The following PAPOLG variants were observed in gnomAD, a reference collection of about 807,000 sequenced individuals.
The protein encoded by PAPOLG is PAP-gamma.
A neutral mutation model predicts 99.0 loss-of-function variants in PAPOLG; 40 were observed. The observed-to-expected ratio is 0.40, with a 90% confidence interval of 0.31 to 0.53. The LOEUF (loss-of-function observed/expected upper bound fraction) is 0.53. Ranked by LOEUF, PAPOLG falls within the 20% of genes least tolerant of loss-of-function variation. PAPOLG has a pLI of 0.41. For missense variants in PAPOLG, 675 were observed against 884.1 expected, an observed-to-expected ratio of 0.76 and a Z score of 3.00; for synonymous variants, 310 against 299.3, an observed-to-expected ratio of 1.04 and a Z score of -0.37.
chr2:60,761,615 C>A, intron 2 of PAPOLG, 126 bp from the exon 3 acceptor site: 1 of 731,874 alleles, frequency 1.4e-6, no homozygotes, highest in South Asian at 1.7e-5. Context: ...GATGTGATAG[C>A]ATTATCACAT....
chr2:60,790,210 A>G (rs1299173332), intron 15 of PAPOLG, among the ~76,000 whole-genome samples: 2 of 152,258 alleles, frequency 1.3e-5, no homozygotes, highest in Non-Finnish European at 2.9e-5. Context: ...TAACTCTTTC[A>G]TAATCAATCT....
chr2:60,796,249 G>C (rs1054316329), intron 21 of PAPOLG, among the ~76,000 whole-genome samples: 1 of 119,036 alleles, frequency 8.4e-6, no homozygotes, highest in Non-Finnish European at 1.6e-5. Flanking sequence ...ATGGAGGCTC[G>C]CTCTGTAGCC....
chr2:60,762,766 A>G (rs1670557482), intron 3 of PAPOLG, among the ~76,000 whole-genome samples: 1 of 151,938 alleles, frequency 6.6e-6, no homozygotes, highest in Non-Finnish European at 1.5e-5. Context: ...AGCTGGGACT[A>G]CAGACGTGTA....
chr2:60,764,856 A>G (rs1424571128), intron 3 of PAPOLG, among the ~76,000 whole-genome samples: 1 of 152,210 alleles, frequency 6.6e-6, no homozygotes, highest in Non-Finnish European at 1.5e-5. Flanking sequence ...TGAGTTTAAC[A>G]TGGTATTTAT....
In PAPOLG at chr2:60,798,396, C is replaced by A. The variant is rs148084110; in HGVS notation, c.*1236C>A. The A allele has an allele frequency of 6.6e-6, 1 of 152,604 alleles. No individual in the cohort carries two copies. Among genetic ancestry groups the A allele is most frequent in the Non-Finnish European group, 1.5e-5 (1 of 68,004 alleles). 9.5% of individuals were successfully genotyped at this position (152,604 alleles called of 1,614,324 possible). A position where few individuals can be genotyped will look rare whatever the true frequency, so the allele number is the denominator to read the frequency against. On this transcript the variant is annotated 3_prime_UTR_variant, in exon 22 of 22. Coordinates refer to ENST00000238714, the MANE Select transcript of PAPOLG (RefSeq NM_022894.4). ...TGATTCAGTGTTTTGTAAATGAAGT[C>A]GTATGTATTTTCAGAGTATTTTTGT...
At position 60,797,532 on chromosome 2, in the gene PAPOLG, C is replaced by CTT. The variant is rs371143916; in HGVS notation, c.*378_*379dup. 6.0e-6 allele frequency: 1 copy of CTT among 167,456 alleles called. No homozygotes were observed. Among genetic ancestry groups the CTT allele is most frequent in the Admixed American group, 6.3e-5 (1 of 15,952 alleles). The allele number at this position is 167,456 out of a possible 1,614,324, so 10.4% of individuals were successfully genotyped here. A position where few individuals can be genotyped will look rare whatever the true frequency, so the allele number is the denominator to read the frequency against. ...TTTTTGTTTTGTTTTTTGTGTTTTT[C>CTT]TTTTTTTGTCTTATGTTGTAATCAT... On this transcript the variant is annotated 3_prime_UTR_variant, in exon 22 of 22. Coordinates refer to ENST00000238714, the MANE Select transcript of PAPOLG (RefSeq NM_022894.4).
chr2:60,792,235 C>T lies in PAPOLG; in HGVS notation c.1625C>T (p.Pro542Leu). 1.2e-6 allele frequency: 2 copies of T among 1,610,088 alleles called. No individual in the cohort carries two copies. The highest frequency in any genetic ancestry group is 1.7e-6 in the Non-Finnish European group (2 of 1,179,266). ...TCCAGAGACACTGATAATGGAACACCTTTTAATTCTCCAGCGTCCAAGTCT... is the reference window on the plus strand; with the variant it reads ...TCCAGAGACACTGATAATGGAACACTTTTTAATTCTCCAGCGTCCAAGTCT... ...DSSRDTDNGT[P>L]FNSPASKSDS... Residue 542 changes from proline (P) to leucine (L), a missense_variant, in exon 17 of 22, where the codon CCT becomes CTT. Physicochemically the swap from Pro to Leu is moderately conservative, Grantham distance 98. This residue lies in a region of PAPOLG where 413 missense variants were observed against 460.5 expected (regional missense o/e 0.90). Coordinates refer to ENST00000238714, the MANE Select transcript of PAPOLG (RefSeq NM_022894.4).
intron 7 of PAPOLG, 130 bp from the exon 8 acceptor site, chr2:60,774,904 A>C: frequency 6.9e-7 from 1 of 1,447,744 alleles, no homozygotes; most frequent in Admixed American, 2.6e-5. Flanking sequence ...AATTTCATAC[A>C]CATAAAATAA....
intron 3 of PAPOLG, among the ~76,000 whole-genome samples, chr2:60,763,373 C>T (rs565395128): frequency 7.9e-5 from 12 of 151,984 alleles, no homozygotes; most frequent in African/African-American, 2.4e-4. Flanking sequence ...TGAGCCACTG[C>T]GCCTTGCCTA....
intron 2 of PAPOLG, 127 bp from the exon 3 acceptor site, chr2:60,761,614 G>A (rs370783222): frequency 1.4e-6 from 1 of 726,030 alleles, no homozygotes. Context: ...AGATGTGATA[G>A]CATTATCACA....
intron 7 of PAPOLG, among the ~76,000 whole-genome samples, chr2:60,773,454 C>T (rs1242146066): frequency 6.6e-6 from 1 of 152,058 alleles, no homozygotes; most frequent in African/African-American, 2.4e-5. Flanking sequence ...TGAGGTTTAT[C>T]TGTATTTGTT....
chr2:60,779,630 T>G lies in PAPOLG; in HGVS notation c.695-7T>G. The G allele has an allele frequency of 6.2e-7, 1 of 1,600,008 alleles. No individual in the cohort carries two copies. Among genetic ancestry groups the G allele is most frequent in the South Asian group, 1.1e-5 (1 of 88,582 alleles). ...AATAATAATTAACAAATATATTGAT[T>G]TTCTAGGACGTGGTATTTATTCCAA... is the stretch of plus-strand genomic sequence containing the variant. On this transcript the variant is annotated splice_polypyrimidine_tract_variant and splice_region_variant and intron_variant, in intron 8 of 21. Coordinates refer to ENST00000238714, the MANE Select transcript of PAPOLG (RefSeq NM_022894.4).
In PAPOLG at chr2:60,786,864, T is replaced by C. The variant is rs1671378626; in HGVS notation, c.1167-83T>C. ...TTAATGAACATGTAAAGCTTCGTAG[T>C]TAATATGCTGTTTGGTTTACTTGAG... On this transcript the variant is annotated intron_variant, in intron 13 of 21. Coordinates refer to ENST00000238714, the MANE Select transcript of PAPOLG (RefSeq NM_022894.4). 3 of 1,496,746 alleles carry C rather than the reference T, an allele frequency of 2.0e-6. No individual in the cohort carries two copies. The Admixed American group carries it at 6.3e-5, about 31-fold the overall frequency. 92.7% of individuals were successfully genotyped at this position (1,496,746 alleles called of 1,614,324 possible). A position where few individuals can be genotyped will look rare whatever the true frequency, so the allele number is the denominator to read the frequency against.
rs546046828 is a variant in PAPOLG at position 60,775,092 on chromosome 2, C to T, written c.663C>T (p.Leu221=). The T allele has an allele frequency of 1.2e-4, 201 of 1,613,202 alleles. No homozygotes were observed. The highest frequency in any genetic ancestry group is 1.6e-4 in the Non-Finnish European group (191 of 1,179,738). Residue 221 remains leucine (L), a synonymous_variant, in exon 8 of 22, where the codon CTC becomes CTT. Coordinates refer to ENST00000238714, the MANE Select transcript of PAPOLG (RefSeq NM_022894.4). ...TGCCAAATAAAGAAACTTTTAGACT[C>T]ACCCTAAGAGCTGTCAAATTATGGG... ...HLVPNKETFR[L]TLRAVKLWAK...
rs1010374245 is a variant in PAPOLG at position 60,799,600 on chromosome 2, A to G, written c.*2440A>G. The G allele has an allele frequency of 9.0e-6, 1 of 111,666 alleles. No homozygotes were observed. Among genetic ancestry groups the G allele is most frequent in the African/African-American group, 3.3e-5 (1 of 30,568 alleles). 6.9% of individuals were successfully genotyped at this position (111,666 alleles called of 1,614,324 possible). On this transcript the variant is annotated 3_prime_UTR_variant, in exon 22 of 22. Coordinates refer to ENST00000238714, the MANE Select transcript of PAPOLG (RefSeq NM_022894.4). ...TGTTATGATGAGAGGCACTAAGTAC[A>G]TGTGTTTGTTTTGTTTTGTTTTGTT... is the stretch of plus-strand genomic sequence containing the variant.
chr2:60,786,872 C>T, intron 13 of PAPOLG, 75 bp from the exon 14 acceptor site: 1 of 1,521,552 alleles, frequency 6.6e-7, no homozygotes, highest in Non-Finnish European at 8.8e-7. Flanking sequence ...AGTTAATATG[C>T]TGTTTGGTTT....
intron 3 of PAPOLG, 43 bp from the exon 4 acceptor site, chr2:60,768,427 A>G (rs775879245): frequency 3.7e-6 from 6 of 1,600,012 alleles, no homozygotes; most frequent in Non-Finnish European, 2.6e-6. Context: ...TTTATGCTAA[A>G]TAATTTGAAT....
chr2:60,792,106 C>T, intron 16 of PAPOLG, 23 bp from the exon 17 acceptor site: 1 of 1,564,284 alleles, frequency 6.4e-7, no homozygotes, highest in Non-Finnish European at 8.6e-7. Context: ...TTTTGAAATC[C>T]TAAAATCGTT....
intron 17 of PAPOLG, among the ~76,000 whole-genome samples, chr2:60,792,869 C>T (rs1230452892): frequency 1.3e-5 from 2 of 152,160 alleles, no homozygotes; most frequent in Non-Finnish European, 2.9e-5. Flanking sequence ...AACCACATCT[C>T]TACTAAAAAT....
Sources: allele counts gnomAD v4.1 joint callset (sites outside exome capture counted in the v4.1 genomes callset), GRCh38; gene constraint gnomAD v4.1.1; regional missense constraint gnomAD v4.1.1; transcripts MANE v1.5; gene names NCBI Gene and HGNC (gene_info 2026-07-23, HGNC 2026-07-21).